The following FLT3LG variants were observed in gnomAD, a reference collection of about 807,000 sequenced individuals.
The protein encoded by FLT3LG is fms-related tyrosine kinase 3 ligand.
FLT3LG carries 8 observed loss-of-function variants against 30.9 expected under a neutral mutation model. The observed-to-expected ratio is 0.26, with a 90% CI of 0.15 to 0.47. The LOEUF is 0.47. Among genes scored for constraint, FLT3LG ranks in the 20% least tolerant of loss-of-function variants. The probability of loss-of-function intolerance (pLI) is 0.99; values close to 1 mark genes in which losing one functional copy is unlikely to be tolerated. For synonymous variants in FLT3LG, 123 were observed against 135.9 expected, an observed-to-expected ratio of 0.91 and a Z score of 0.66; for missense variants, 278 against 306.2, an observed-to-expected ratio of 0.91 and a Z score of 0.69.
chr19:49,482,794 AT>A (rs1454638680), intron 8 of FLT3LG, among the ~76,000 whole-genome samples: 1 of 151,542 alleles, frequency 6.6e-6, no homozygotes, highest in Non-Finnish European at 1.5e-5. Context: ...CGCCCGGCTA[AT>A]TTTTTGTGTT....
At chr19:49,475,670 C>A (rs755518402) in intron 2 of FLT3LG, 21 bp from the exon 3 acceptor site, 12 of 1,599,846 alleles carry the variant, frequency 7.5e-6, no homozygotes, top group Middle Eastern at 1.9e-4. Context: ...GAGGGCTCCC[C>A]CAGCACCCGC....
At chr19:49,478,767 T>G in intron 5 of FLT3LG, 142 bp from the exon 6 acceptor site, 1 of 580,504 alleles carries the variant, frequency 1.7e-6, no homozygotes, top group Non-Finnish European at 2.4e-6. Context: ...AAAAAAAAAT[T>G]AATTAATTAA....
At position 49,476,353 on chromosome 19, in the gene FLT3LG, C is replaced by T; in HGVS notation, c.199-70C>T. On this transcript the variant is annotated intron_variant, in intron 4 of 8. Coordinates refer to ENST00000597551, the MANE Select transcript of FLT3LG (RefSeq NM_001459.4). The surrounding 1 kb of genome is among the most constrained non-coding windows in gnomAD (Gnocchi z 5.3). ...CTCAGACCCAGGAGCCCCGGCCCAG[C>T]CCCTCCTCCCTCAGACCCAGCAGCC... 1 of 1,545,760 alleles carries T rather than the reference C, an allele frequency of 6.5e-7. No homozygotes were observed. The highest frequency in any genetic ancestry group is 8.8e-7 in the Non-Finnish European group (1 of 1,130,048).
At chr19:49,484,640 G>A (rs573733926) in intron 8 of FLT3LG, among the ~76,000 whole-genome samples, 168 of 151,802 alleles carry the variant, frequency 1.1e-3, no homozygotes, top group Non-Finnish European at 2.0e-3. Flanking sequence ...GGGATTACAG[G>A]CACACACCAC....
At chr19:49,484,371 G>A (rs1234849600) in intron 8 of FLT3LG, among the ~76,000 whole-genome samples, 5 of 132,974 alleles carry the variant, frequency 3.8e-5, no homozygotes, top group African/African-American at 8.7e-5. Context: ...CTTGACTCAC[G>A]GCAACCTCCA....
At chr19:49,477,188 C>T (rs1477266090) in intron 5 of FLT3LG, among the ~76,000 whole-genome samples, 1 of 152,116 alleles carries the variant, frequency 6.6e-6, no homozygotes, top group African/African-American at 2.4e-5. Flanking sequence ...CACCTGTAAT[C>T]CCAGCACTTT....
intron 1 of FLT3LG, 88 bp from the exon 2 acceptor site, chr19:49,474,515 G>C: frequency 3.3e-6 from 3 of 921,742 alleles, no homozygotes; most frequent in Non-Finnish European, 5.1e-6. Flanking sequence ...ACATCAATGG[G>C]ACGCGGGAGG....
In FLT3LG at chr19:49,478,945, A is replaced by G; in HGVS notation, c.379A>G (p.Ile127Val). The change falls in exon 6 of 9, where the codon ATC becomes GTC. Residue 127 changes from isoleucine (I) to valine (V), a missense_variant. Coordinates refer to ENST00000597551, the MANE Select transcript of FLT3LG (RefSeq NM_001459.4). The stretch of plus-strand genomic sequence containing the variant: ...CTGTCTTCGCTTCGTCCAGACCAAC[A>G]TCTCCCGCCTCCTGCAGGAGACCTC... Reference protein sequence around the residue: ...PSCLRFVQTNISRLLQETSEQ... With the variant: ...PSCLRFVQTNVSRLLQETSEQ... The G allele has an allele frequency of 1.3e-6, 2 of 1,564,098 alleles. No homozygotes were observed. Among genetic ancestry groups the G allele is most frequent in the Non-Finnish European group, 1.7e-6 (2 of 1,154,298 alleles).
rs1452719289 is a variant in FLT3LG, at chr19:49,476,511, G to A, written c.287G>A (p.Gly96Asp). 2.5e-6 allele frequency: 4 copies of A among 1,614,068 alleles called. No homozygotes were observed. Among genetic ancestry groups the A allele is most frequent in the African/African-American group, 1.3e-5 (1 of 74,938 alleles). Residue 96 changes from glycine (G) to aspartate (D), a missense_variant, in exon 5 of 9, where the codon GGC becomes GAC. By Grantham distance (94) the Gly-to-Asp change is moderately conservative. This residue lies in a region of FLT3LG where 68 missense variants were observed against 110.0 expected (regional missense o/e 0.62). Transcript: ENST00000597551. The surrounding 1 kb of genome is among the most constrained non-coding windows in gnomAD (Gnocchi z 5.3). The part of the protein sequence containing the change: ...LKTVAGSKMQ[G>D]LLERVNTEIH... ...ACTGTCGCTGGGTCCAAGATGCAAG[G>A]CTTGCTGGAGCGCGTGAACACGGAG...
At chr19:49,475,396 A>T (rs1352217465) in intron 2 of FLT3LG, among the ~76,000 whole-genome samples, 1 of 149,242 alleles carries the variant, frequency 6.7e-6, no homozygotes, top group African/African-American at 2.5e-5. Flanking sequence ...AACCCGGGCG[A>T]GGAAACCAGA....
chr19:49,475,460 G>T (rs1010115102), intron 2 of FLT3LG, among the ~76,000 whole-genome samples: 2 of 150,996 alleles, frequency 1.3e-5, no homozygotes, highest in African/African-American at 4.9e-5. Context: ...GATGGGGAGA[G>T]AGAGGGGTGG....
In FLT3LG at chr19:49,480,484, G is replaced by A; in HGVS notation, c.660+8G>A. The A allele has an allele frequency of 6.3e-7, 1 of 1,591,072 alleles. No individual in the cohort carries two copies. Among genetic ancestry groups the A allele is most frequent in the Non-Finnish European group, 8.6e-7 (1 of 1,169,052 alleles). On this transcript the variant is annotated splice_region_variant and intron_variant, in intron 7 of 8. Coordinates refer to ENST00000597551, the MANE Select transcript of FLT3LG (RefSeq NM_001459.4). ...CCCCGCCCTGGGGAGCAGGTGAGCA[G>A]GCTGGGAAGAGGGGGTGAGGGGGCC...
At chr19:49,480,897 T>C (rs1426171563) in intron 8 of FLT3LG, 4 of 393,168 alleles carry the variant, frequency 1.0e-5, no homozygotes, top group Non-Finnish European at 1.4e-5. Context: ...CTGGGCATAG[T>C]GGTGTGTGCC....
At chr19:49,474,414 G>A (rs2079301354) in intron 1 of FLT3LG, 133 bp downstream of exon 1, 4 of 603,336 alleles carry the variant, frequency 6.6e-6, no homozygotes, top group African/African-American at 1.9e-5. Flanking sequence ...GGGACCAGAC[G>A]TCGAGGTTCT....
Position 49,476,607 on chromosome 19 carries a change from G to A in FLT3LG, c.342+41G>A. 1.9e-6 allele frequency: 3 copies of A among 1,611,678 alleles called. No individual in the cohort carries two copies. Among genetic ancestry groups the A allele is most frequent in the South Asian group, 1.1e-5 (1 of 90,974 alleles). On this transcript the variant is annotated intron_variant, in intron 5 of 8. Coordinates refer to ENST00000597551, the MANE Select transcript of FLT3LG (RefSeq NM_001459.4). This position sits in a 1 kb window ranked among gnomAD's most constrained non-coding sequence, Gnocchi z 5.3. ...AGGGGACAAGTGAGGGGAGGGAGAT[G>A]CCTTCCTACGAATTAGAAGTAAAGC...
chr19:49,475,025 AGATG>A, intron 2 of FLT3LG, among the ~76,000 whole-genome samples: 2 of 98,858 alleles, frequency 2.0e-5, no homozygotes, highest in African/African-American at 4.2e-5. Flanking sequence ...AGGAGGAGGG[AGATG>A]GACAGAGAAG....
intron 8 of FLT3LG, among the ~76,000 whole-genome samples, chr19:49,483,396 T>G (rs1457274216): frequency 6.6e-6 from 1 of 152,084 alleles, no homozygotes; most frequent in South Asian, 2.1e-4. Flanking sequence ...ATTACAAGTG[T>G]AAGCCACCGC....
chr19:49,484,896 G>T (rs2079749787), intron 8 of FLT3LG, among the ~76,000 whole-genome samples: 1 of 152,020 alleles, frequency 6.6e-6, no homozygotes, highest in African/African-American at 2.4e-5. Context: ...ACCAGCTTGG[G>T]CAACATGGTG....
rs933002792 is a variant in FLT3LG, at chr19:49,476,054, T to A, written c.145-91T>A. 2.1e-6 allele frequency: 3 copies of A among 1,421,550 alleles called. No homozygotes were observed. The African/African-American group carries it at 4.2e-5, about 20-fold the overall frequency. The allele number at this position is 1,421,550 out of a possible 1,614,324, so 88.1% of individuals were successfully genotyped here. A position where few individuals can be genotyped will look rare whatever the true frequency, so the allele number is the denominator to read the frequency against. On this transcript the variant is annotated intron_variant, in intron 3 of 8. Transcript: ENST00000597551. This position sits in a 1 kb window ranked among gnomAD's most constrained non-coding sequence, Gnocchi z 5.3. ...GCTCCCCCTCTCTTGGTCTTGTCCC[T>A]CTCTCTCTGGATCTCTGCTGCCACC...
Sources: allele counts gnomAD v4.1 joint callset (sites outside exome capture counted in the v4.1 genomes callset), GRCh38; gene constraint gnomAD v4.1.1; regional missense constraint gnomAD v4.1.1; non-coding constraint Gnocchi (gnomAD v3.1); transcripts MANE v1.5; gene names NCBI Gene and HGNC (gene_info 2026-07-23, HGNC 2026-07-21).